Variants in NOL12 observed in about 807,000 individuals in gnomAD.
NOL12 encodes nucleolar protein 12.
Under a neutral mutation model 25.2 loss-of-function variants are expected in NOL12, and 21 were observed. The observed-to-expected ratio is 0.83, with a 90% CI of 0.59 to 1.20. The LOEUF is 1.20. NOL12 is among the 50% of genes most tolerant of loss of function. NOL12 has a pLI of 0.00. For missense variants in NOL12, 286 were observed against 287.6 expected (o/e 0.99, Z 0.04); for synonymous variants, 133 against 113.8 (o/e 1.17, Z -1.08).
At chr22:37,687,840 T>C in intron 1 of NOL12, 70 bp from the exon 2 acceptor site, 1 of 1,239,700 alleles carries the variant, frequency 8.1e-7, no homozygotes, top group Non-Finnish European at 1.2e-6. Context: ...ATTAGCCATT[T>C]TTCTCCTAGA....
chr22:37,691,144 C>T, intron 5 of NOL12, 30 bp from the exon 6 acceptor site: 2 of 1,582,276 alleles, frequency 1.3e-6, no homozygotes, highest in Non-Finnish European at 1.7e-6. Flanking sequence ...ACAATGCAAT[C>T]TTAAACTGAG....
At position 37,692,046 on chromosome 22, in the gene NOL12, GATTA is replaced by G. The variant is rs1315623982; in HGVS notation, c.*718_*721del. On this transcript the variant is annotated 3_prime_UTR_variant, in exon 6 of 6. Transcript: ENST00000359114. The stretch of plus-strand genomic sequence containing the variant: ...TCCCAGGTGGGTCCCAACGTGGAAG[GATTA>G]ATTAATTCTTTCTAAAGCAGTTGCA... The G allele has an allele frequency of 6.5e-6, 1 of 153,350 alleles. No homozygotes were observed. The highest frequency in any genetic ancestry group is 2.4e-5 in the African/African-American group (1 of 41,512). 9.5% of individuals were successfully genotyped at this position (153,350 alleles called of 1,614,324 possible). A position where few individuals can be genotyped will look rare whatever the true frequency, so the allele number is the denominator to read the frequency against.
Position 37,692,327 on chromosome 22 carries a change from A to G in NOL12, c.*991A>G, listed in dbSNP as rs1019866952. ...AGCCGAGATCACGCCATTGCACTCC[A>G]GCCTGGGCAACGTTGTGACCTTGTC... On this transcript the variant is annotated 3_prime_UTR_variant, in exon 6 of 6. Coordinates refer to ENST00000359114, the MANE Select transcript of NOL12 (RefSeq NM_024313.3). 1.0e-5 allele frequency: 4 copies of G among 394,142 alleles called. No individual in the cohort carries two copies. The highest frequency in any genetic ancestry group is 8.2e-5 in the African/African-American group (4 of 48,578). The allele number at this position is 394,142 out of a possible 1,614,324, so 24.4% of individuals were successfully genotyped here.
rs547663530 is a variant in NOL12, at chr22:37,691,353, G to A, written c.*17G>A. ...GGGGAGTGAGACCGAGAACGAAGCG[G>A]TGCCCCAGTCTAGGCTGCGGGGACC... On this transcript the variant is annotated 3_prime_UTR_variant, in exon 6 of 6. Coordinates refer to ENST00000359114, the MANE Select transcript of NOL12 (RefSeq NM_024313.3). 2 of 1,595,092 alleles carry A rather than the reference G, an allele frequency of 1.3e-6. No individual in the cohort carries two copies. Among genetic ancestry groups the A allele is most frequent in the Non-Finnish European group, 1.7e-6 (2 of 1,168,718 alleles).
At position 37,691,273 on chromosome 22, in the gene NOL12, C is replaced by T; in HGVS notation, c.579C>T (p.Ala193=). 1 of 1,614,020 alleles carries T rather than the reference C, an allele frequency of 6.2e-7. No homozygotes were observed. The highest frequency in any genetic ancestry group is 1.1e-5 in the South Asian group (1 of 91,058). ...RAQDSKKPPR[A]PRTSKAQRRR... Reference sequence around the variant, plus strand: ...AGGACTCCAAAAAGCCCCCAAGGGCCCCTCGTACCAGCAAGGCCCAGCGCC... The same window carrying T: ...AGGACTCCAAAAAGCCCCCAAGGGCTCCTCGTACCAGCAAGGCCCAGCGCC... The change falls in exon 6 of 6, where the codon GCC becomes GCT. Residue 193 remains alanine (A), a synonymous_variant. Transcript: ENST00000359114.
intron 4 of NOL12, among the ~76,000 whole-genome samples, chr22:37,689,942 C>T (rs762789997): frequency 5.9e-5 from 9 of 152,206 alleles, no homozygotes; most frequent in Admixed American, 2.0e-4. Flanking sequence ...GAGGCCGAGG[C>T]GGGCGAATCA....
rs1008247640 is a variant in NOL12, at chr22:37,692,871, C to A, written c.*1535C>A. The A allele has an allele frequency of 1.0e-5, 4 of 396,778 alleles. No homozygotes were observed. Among genetic ancestry groups the A allele is most frequent in the African/African-American group, 8.2e-5 (4 of 48,624 alleles). 24.6% of individuals were successfully genotyped at this position (396,778 alleles called of 1,614,324 possible). A position where few individuals can be genotyped will look rare whatever the true frequency, so the allele number is the denominator to read the frequency against. On this transcript the variant is annotated 3_prime_UTR_variant, in exon 6 of 6. Transcript: ENST00000359114. ...GGAGTGGGCAGGCCCTCTCCCATGT[C>A]ACCATCAAAACCCACTGATGAAGGC...
intron 4 of NOL12, among the ~76,000 whole-genome samples, chr22:37,689,943 G>A (rs1601607504): frequency 6.6e-6 from 1 of 152,240 alleles, no homozygotes; most frequent in African/African-American, 2.4e-5. Flanking sequence ...AGGCCGAGGC[G>A]GGCGAATCAC....
At position 37,693,272 on chromosome 22, in the gene NOL12, C is replaced by G. The variant is rs1299466319; in HGVS notation, c.*1936C>G. 6.6e-6 allele frequency: 1 copy of G among 152,516 alleles called. No individual in the cohort carries two copies. The highest frequency in any genetic ancestry group is 2.1e-4 in the South Asian group (1 of 4,828). The allele number at this position is 152,516 out of a possible 1,614,324, so 9.4% of individuals were successfully genotyped here. On this transcript the variant is annotated 3_prime_UTR_variant, in exon 6 of 6. Transcript: ENST00000359114. ...CAGATACCTACCTCTTAGGGCTGCC[C>G]CGAGACTAAAATAAGACCATGTGCA...
intron 1 of NOL12, 109 bp from the exon 2 acceptor site, chr22:37,687,801 A>C: frequency 6.7e-6 from 5 of 751,484 alleles, no homozygotes; most frequent in South Asian, 6.6e-5. Context: ...ACTTTTTTGG[A>C]ATGGTGCCTA....
rs1237718146 is a variant in NOL12, at chr22:37,691,577, G to A, written c.*241G>A. On this transcript the variant is annotated 3_prime_UTR_variant, in exon 6 of 6. Coordinates refer to ENST00000359114, the MANE Select transcript of NOL12 (RefSeq NM_024313.3). Reference sequence around the variant, plus strand: ...GCCTCCCCCAGGAAGAGCCTTCAGAGCCACGTGGGGGCATCTTCCCAAATG... The same window carrying A: ...GCCTCCCCCAGGAAGAGCCTTCAGAACCACGTGGGGGCATCTTCCCAAATG... The A allele has an allele frequency of 6.3e-6, 3 of 477,294 alleles. No individual in the cohort carries two copies. The highest frequency in any genetic ancestry group is 2.0e-5 in the African/African-American group (1 of 50,442). The allele number at this position is 477,294 out of a possible 1,614,324, so 29.6% of individuals were successfully genotyped here.
At chr22:37,687,860 T>C in intron 1 of NOL12, 50 bp from the exon 2 acceptor site, 1 of 1,433,738 alleles carries the variant, frequency 7.0e-7, no homozygotes, top group Non-Finnish European at 9.6e-7. Context: ...AGCGAGCCCT[T>C]CTCTCCTTGT....
rs1424954726 is a variant in NOL12, at chr22:37,691,619, C to T, written c.*283C>T. ...TCCCAAATGTGCACCCCACCTGGCA[C>T]TCATCAGATTTGTGCGCTTGTGATT... is the stretch of plus-strand genomic sequence containing the variant. On this transcript the variant is annotated 3_prime_UTR_variant, in exon 6 of 6. Coordinates refer to ENST00000359114, the MANE Select transcript of NOL12 (RefSeq NM_024313.3). The T allele has an allele frequency of 4.8e-6, 2 of 421,030 alleles. No individual in the cohort carries two copies. The highest frequency in any genetic ancestry group is 4.0e-5 in the African/African-American group (2 of 49,556). The allele number at this position is 421,030 out of a possible 1,614,324, so 26.1% of individuals were successfully genotyped here.
chr22:37,686,543 G>T, intron 1 of NOL12, 68 bp downstream of exon 1: 1 of 1,458,554 alleles, frequency 6.9e-7, no homozygotes, highest in South Asian at 1.4e-5. Context: ...GTCTGGGGCC[G>T]AGCACGCTCC....
chr22:37,691,289 G>T lies in NOL12; in HGVS notation c.595G>T (p.Ala199Ser). The T allele has an allele frequency of 1.2e-6, 2 of 1,613,778 alleles. No individual in the cohort carries two copies. Among genetic ancestry groups the T allele is most frequent in the Non-Finnish European group, 1.7e-6 (2 of 1,179,860 alleles). ...KPPRAPRTSK[A>S]QRRRLTGKAR... ...CCCAAGGGCCCCTCGTACCAGCAAG[G>T]CCCAGCGCCGCCGTCTCACAGGCAA... The change falls in exon 6 of 6, where the codon GCC becomes TCC. Residue 199 changes from alanine to serine, a missense_variant. By Grantham distance (99) the Ala-to-Ser change is moderately conservative. Transcript: ENST00000359114.
At position 37,692,314 on chromosome 22, in the gene NOL12, G is replaced by A. The variant is rs951525538; in HGVS notation, c.*978G>A. The A allele has an allele frequency of 1.8e-5, 7 of 390,836 alleles. No individual in the cohort carries two copies. Among genetic ancestry groups the A allele is most frequent in the African/African-American group, 6.2e-5 (3 of 48,594 alleles). The allele number at this position is 390,836 out of a possible 1,614,324, so 24.2% of individuals were successfully genotyped here. On this transcript the variant is annotated 3_prime_UTR_variant, in exon 6 of 6. Coordinates refer to ENST00000359114, the MANE Select transcript of NOL12 (RefSeq NM_024313.3). ...GGAGGCTGCAGTGAGCCGAGATCAC[G>A]CCATTGCACTCCAGCCTGGGCAACG...
At chr22:37,691,036 TG>T in intron 5 of NOL12, 137 bp from the exon 6 acceptor site, 1 of 1,041,916 alleles carries the variant, frequency 9.6e-7, no homozygotes, top group Non-Finnish European at 1.4e-6. Flanking sequence ...GCAGGCACTC[TG>T]GAGGTAGAGC....
intron 5 of NOL12, 94 bp downstream of exon 5, chr22:37,690,888 G>A (rs569986172): frequency 1.5e-5 from 14 of 910,412 alleles, no homozygotes; most frequent in East Asian, 7.4e-5. Flanking sequence ...TGTAGGGCCC[G>A]GAGCAGCCCT....
At chr22:37,688,061 C>T in intron 2 of NOL12, 46 bp downstream of exon 2, 2 of 1,479,166 alleles carry the variant, frequency 1.4e-6, no homozygotes, top group Non-Finnish European at 1.8e-6. Context: ...TCTTAGGGCA[C>T]TTGCAGCCTT....
Sources: allele counts gnomAD v4.1 joint callset (sites outside exome capture counted in the v4.1 genomes callset), GRCh38; gene constraint gnomAD v4.1.1; transcripts MANE v1.5; gene names NCBI Gene and HGNC (gene_info 2026-07-23, HGNC 2026-07-21).